NAMPT: variants seen among roughly 807,000 people sequenced by gnomAD.
NAMPT encodes NAmPRTase.
NAMPT carries 7 observed loss-of-function variants against 58.7 expected under a neutral mutation model. That is an observed-to-expected ratio of 0.12 (90% CI 0.07 to 0.22). The LOEUF (loss-of-function observed/expected upper bound fraction) is 0.22, where lower values mean the gene tolerates loss of function less well. Among genes scored for constraint, NAMPT ranks in the 10% least tolerant of loss-of-function variants. NAMPT has a pLI of 1.00. For missense variants in NAMPT, 271 were observed against 567.9 expected (o/e 0.48, Z 5.31); for synonymous variants, 145 against 198.1 (o/e 0.73, Z 2.25).
At chr7:106,279,366 A>ACTAT (rs1792715054) in intron 1 of NAMPT, among the ~76,000 whole-genome samples, 1 of 152,176 alleles carries the variant, frequency 6.6e-6, no homozygotes, top group African/African-American at 2.4e-5. Flanking sequence ...CCATTTATTA[A>ACTAT]CTATCTACTA....
chr7:106,280,024 G>C (rs114938660), intron 1 of NAMPT, among the ~76,000 whole-genome samples: 3,098 of 152,260 alleles, frequency 0.02, 101 homozygotes, highest in African/African-American at 0.071. Flanking sequence ...AAGGCTTACA[G>C]ACTACCCCAA....
In NAMPT at chr7:106,284,820, A is replaced by G; in HGVS notation, c.57+8T>C. The G allele has an allele frequency of 7.1e-7, 1 of 1,411,482 alleles. No homozygotes were observed. The highest frequency in any genetic ancestry group is 9.4e-7 in the Non-Finnish European group (1 of 1,059,590). 87.4% of individuals were successfully genotyped at this position (1,411,482 alleles called of 1,614,324 possible). ...CTCCTCCTCATCTGCCCGGGCCCCGAGCTTTACCTTGTAGGAGTCGGTGGC... is the reference window on the plus strand; with the variant it reads ...CTCCTCCTCATCTGCCCGGGCCCCGGGCTTTACCTTGTAGGAGTCGGTGGC... On this transcript the variant is annotated splice_region_variant and intron_variant, in intron 1 of 10. Coordinates refer to ENST00000222553, the MANE Select transcript of NAMPT (RefSeq NM_005746.3).
At chr7:106,263,167 T>C in intron 7 of NAMPT, 1 of 504,184 alleles carries the variant, frequency 2.0e-6, no homozygotes, top group South Asian at 3.2e-5. Flanking sequence ...AAAATATCTA[T>C]TCAAATGTCT....
At chr7:106,263,744 G>T in intron 6 of NAMPT, 127 bp from the exon 7 acceptor site, 1 of 744,538 alleles carries the variant, frequency 1.3e-6, no homozygotes. Context: ...GAGTGACTTA[G>T]TTTAATGAAT....
intron 8 of NAMPT, among the ~76,000 whole-genome samples, chr7:106,255,319 A>C (rs1384787941): frequency 6.6e-6 from 1 of 152,236 alleles, no homozygotes; most frequent in African/African-American, 2.4e-5. Context: ...GAATGTGGCA[A>C]GTGAAGTTTG....
At chr7:106,275,102 T>A in intron 2 of NAMPT, 53 bp from the exon 3 acceptor site, 2 of 1,118,394 alleles carry the variant, frequency 1.8e-6, no homozygotes, top group Non-Finnish European at 2.7e-6. Flanking sequence ...TTCTGTGAGT[T>A]GCTGAACTGT....
At chr7:106,253,281 C>G in intron 9 of NAMPT, 130 bp from the exon 10 acceptor site, 1 of 863,264 alleles carries the variant, frequency 1.2e-6, no homozygotes, top group Non-Finnish European at 1.8e-6. Context: ...ATAACTGAAC[C>G]AATCCACATC....
At chr7:106,270,064 T>TTA (rs1316238553) in intron 4 of NAMPT, among the ~76,000 whole-genome samples, 1 of 152,232 alleles carries the variant, frequency 6.6e-6, no homozygotes, top group African/African-American at 2.4e-5. Flanking sequence ...CAGTGACTAT[T>TTA]AAGTTCCCAA....
intron 6 of NAMPT, among the ~76,000 whole-genome samples, chr7:106,265,873 T>C (rs1792399196): frequency 6.6e-6 from 1 of 152,222 alleles, no homozygotes; most frequent in Non-Finnish European, 1.5e-5. Flanking sequence ...AAAAAGCTTC[T>C]GTAATTAAAT....
chr7:106,283,774 C>A (rs997167323), intron 1 of NAMPT, among the ~76,000 whole-genome samples: 1 of 151,764 alleles, frequency 6.6e-6, no homozygotes, highest in Non-Finnish European at 1.5e-5. Context: ...TGGAAAAAAA[C>A]AGACAAAACT....
intron 4 of NAMPT, chr7:106,272,096 TA>T (rs1309726529): frequency 2.6e-6 from 1 of 389,498 alleles, no homozygotes; most frequent in Non-Finnish European, 5.1e-6. Context: ...TGGTAGATCC[TA>T]AGACCTAAAC....
Position 106,263,499 on chromosome 7 carries a change from C to A in NAMPT, c.862G>T (p.Glu288Ter). 6.2e-7 allele frequency: 1 copy of A among 1,608,718 alleles called. No homozygotes were observed. The highest frequency in any genetic ancestry group is 8.5e-7 in the Non-Finnish European group (1 of 1,175,160). ...SDSYDIYNACEKIWGEDLRHL... is the reference protein window; with the variant it reads ...SDSYDIYNAC ...CTTAGATCTTCACCCCATATTTTCT[C>A]ACACGCATTATAAATGTCATAGCTA... The change falls in exon 7 of 11, where the codon GAG becomes TAG. Residue 288 changes from glutamate to a stop codon, truncating the protein, a stop_gained. Transcript: ENST00000222553. LOFTEE classifies it high-confidence loss of function.
At chr7:106,259,742 A>G (rs1293193247) in intron 8 of NAMPT, among the ~76,000 whole-genome samples, 1 of 152,200 alleles carries the variant, frequency 6.6e-6, no homozygotes, top group Non-Finnish European at 1.5e-5. Context: ...TTCCTAAATA[A>G]TAGCATCTGA....
chr7:106,279,294 T>C (rs940722528), intron 1 of NAMPT, among the ~76,000 whole-genome samples: 3 of 152,238 alleles, frequency 2.0e-5, no homozygotes, highest in Non-Finnish European at 4.4e-5. Context: ...AGTATCGTTT[T>C]AGAATATAGC....
chr7:106,276,755 T>A, intron 2 of NAMPT: 1 of 323,080 alleles, frequency 3.1e-6, no homozygotes, highest in Non-Finnish European at 5.9e-6. Context: ...GGCAGGAGAA[T>A]TGCCTGAAAC....
rs1400529791 is a variant in NAMPT, at chr7:106,250,322, ATC to A, written c.*759_*760del. On this transcript the variant is annotated 3_prime_UTR_variant, in exon 11 of 11. Coordinates refer to ENST00000222553, the MANE Select transcript of NAMPT (RefSeq NM_005746.3). ...GAGGTGCATATTAGAGCCACAGGCA[ATC>A]TCTGACATATAAAATTGCAGTACAG... 1 of 152,400 alleles carries A rather than the reference ATC, an allele frequency of 6.6e-6. No individual in the cohort carries two copies. The highest frequency in any genetic ancestry group is 1.5e-5 in the Non-Finnish European group (1 of 67,924). The allele number at this position is 152,400 out of a possible 1,614,324, so 9.4% of individuals were successfully genotyped here.
intron 4 of NAMPT, 166 bp downstream of exon 4, chr7:106,272,364 A>G: frequency 1.8e-6 from 1 of 550,016 alleles, no homozygotes; most frequent in Non-Finnish European, 3.1e-6. Flanking sequence ...GAAACCTTAA[A>G]GATTATTTAG....
intron 2 of NAMPT, 101 bp from the exon 3 acceptor site, chr7:106,275,150 T>C (rs1792608040): frequency 3.0e-6 from 2 of 668,356 alleles, no homozygotes; most frequent in Non-Finnish European, 5.1e-6. Flanking sequence ...ACCCATTCTA[T>C]GGATTAAAAA....
rs753179771 is a variant in NAMPT, at chr7:106,284,894, G to A, written c.-10C>T. 1.3e-6 allele frequency: 2 copies of A among 1,581,446 alleles called. No homozygotes were observed. Among genetic ancestry groups the A allele is most frequent in the African/African-American group, 1.3e-5 (1 of 74,238 alleles). Reference sequence around the variant, plus strand: ...CTGCCGCAGGATTCATCTCGGGCCGGAGGACAGGGGCCGCGCGCCGCGAGC... The same window carrying A: ...CTGCCGCAGGATTCATCTCGGGCCGAAGGACAGGGGCCGCGCGCCGCGAGC... On this transcript the variant is annotated 5_prime_UTR_variant, in exon 1 of 11. Coordinates refer to ENST00000222553, the MANE Select transcript of NAMPT (RefSeq NM_005746.3).
Sources: gnomAD v4.1 joint callset for allele counts (sites outside exome capture counted in the v4.1 genomes callset) on GRCh38, gnomAD v4.1.1 for gene constraint, MANE v1.5 for transcripts, NCBI Gene and HGNC (gene_info 2026-07-23, HGNC 2026-07-21) for gene names.